The following HECW2 variants were observed in gnomAD, a reference collection of about 807,000 sequenced individuals.
The protein encoded by HECW2 is HECT, C2 and WW domain containing E3 ubiquitin protein ligase 2.
In HECW2, 61 loss-of-function variants were observed where a neutral mutation model predicts 175.2. That is an observed-to-expected ratio of 0.35 (90% CI 0.28 to 0.43). HECW2 has a LOEUF of 0.43. Among genes scored for constraint, HECW2 ranks in the 20% least tolerant of loss-of-function variants. The pLI is 1.00. For missense variants in HECW2, 1,524 were observed against 2,000.5 expected (o/e 0.76, Z 4.54); for synonymous variants, 671 against 731.0 (o/e 0.92, Z 1.32).
At chr2:196,491,325 C>T (rs74696465) in intron 1 of HECW2, among the ~76,000 whole-genome samples, 3 of 151,022 alleles carry the variant, frequency 2.0e-5, no homozygotes, top group East Asian at 1.9e-4. Flanking sequence ...CCTGCCAACA[C>T]GGTGAAACCC....
At chr2:196,507,432 A>G (rs1389918579) in intron 1 of HECW2, among the ~76,000 whole-genome samples, 3 of 152,190 alleles carry the variant, frequency 2.0e-5, no homozygotes, top group Non-Finnish European at 4.4e-5. Flanking sequence ...GAAATTTAGC[A>G]ATGTCTAGAG....
intron 1 of HECW2, among the ~76,000 whole-genome samples, chr2:196,569,479 T>C (rs1425485700): frequency 6.6e-6 from 1 of 152,232 alleles, no homozygotes; most frequent in Non-Finnish European, 1.5e-5. Flanking sequence ...TATGATACTT[T>C]TTTATGCTTC....
chr2:196,408,219 A>AT (rs1695015827), intron 2 of HECW2, among the ~76,000 whole-genome samples: 2 of 152,298 alleles, frequency 1.3e-5, no homozygotes, highest in African/African-American at 2.4e-5. Flanking sequence ...TATGCTATAT[A>AT]TTTTTTTCAT....
chr2:196,373,536 TC>T (rs1693963018), intron 2 of HECW2, among the ~76,000 whole-genome samples: 1 of 152,170 alleles, frequency 6.6e-6, no homozygotes, highest in South Asian at 2.1e-4. Flanking sequence ...TATTTAAAGG[TC>T]CGTAAGCATT....
chr2:196,235,756 C>T (rs898019514), intron 21 of HECW2, among the ~76,000 whole-genome samples: 2 of 147,416 alleles, frequency 1.4e-5, no homozygotes, highest in African/African-American at 2.5e-5. Context: ...CCTGGGTTCA[C>T]GCCATTCTCC....
At chr2:196,543,621 T>C (rs1010000200) in intron 1 of HECW2, among the ~76,000 whole-genome samples, 3 of 152,176 alleles carry the variant, frequency 2.0e-5, no homozygotes, top group African/African-American at 7.2e-5. Context: ...TTTTATTTTT[T>C]TTTTCTTTTG....
chr2:196,410,919 C>A (rs1274183570), intron 2 of HECW2, among the ~76,000 whole-genome samples: 1 of 150,794 alleles, frequency 6.6e-6, no homozygotes, highest in African/African-American at 2.4e-5. Context: ...TAACAACAGC[C>A]CACCGAGAAG....
chr2:196,571,242 T>C (rs1690374528), intron 1 of HECW2, among the ~76,000 whole-genome samples: 1 of 152,228 alleles, frequency 6.6e-6, no homozygotes, highest in African/African-American at 2.4e-5. Context: ...CTGACATGGC[T>C]TTGTGTCATT....
intron 2 of HECW2, among the ~76,000 whole-genome samples, chr2:196,386,957 A>AAGTT (rs1559081316): frequency 6.6e-6 from 1 of 152,158 alleles, no homozygotes; most frequent in African/African-American, 2.4e-5. Context: ...ACAAGGCTAT[A>AAGTT]ATACTAACTC....
At position 196,442,663 on chromosome 2, in the gene HECW2, A is replaced by G. The variant is rs1207668959; in HGVS notation, c.-35-9205T>C. On this transcript the variant is annotated intron_variant, in intron 1 of 28. Coordinates refer to ENST00000644978, the MANE Select transcript of HECW2 (RefSeq NM_001348768.2). ...TTTGACATGGGAATTTGTTCATGCT[A>G]TAAGGTTAAGTATTATCAAATACTG... Among the ~76,000 whole-genome samples, 6 of 152,358 alleles carry G rather than the reference A, an allele frequency of 3.9e-5. No homozygotes were observed. The South Asian group carries it at 1.0e-3, about 26-fold the overall frequency.
intron 4 of HECW2, among the ~76,000 whole-genome samples, chr2:196,331,691 A>C (rs1041069030): frequency 6.6e-6 from 1 of 152,226 alleles, no homozygotes; most frequent in African/African-American, 2.4e-5. Flanking sequence ...AGGCTTCCTG[A>C]AACAATTCTC....
At chr2:196,317,448 A>C in intron 9 of HECW2, 79 bp from the exon 10 acceptor site, 2 of 997,414 alleles carry the variant, frequency 2.0e-6, no homozygotes, top group South Asian at 2.8e-5. Flanking sequence ...AAAACCTAAC[A>C]TAATTCCCAA....
At chr2:196,581,462 A>G (rs952280788) in intron 1 of HECW2, among the ~76,000 whole-genome samples, 2 of 152,138 alleles carry the variant, frequency 1.3e-5, no homozygotes. Flanking sequence ...TGAACCTGGG[A>G]GGCAGACATT....
chr2:196,366,641 G>A (rs1437836088), intron 2 of HECW2, among the ~76,000 whole-genome samples: 2 of 152,126 alleles, frequency 1.3e-5, no homozygotes, highest in Non-Finnish European at 1.5e-5. Context: ...GAAGCTCTTA[G>A]GATGTAGTAT....
At chr2:196,306,855 G>A (rs547778969) in intron 12 of HECW2, among the ~76,000 whole-genome samples, 4 of 152,164 alleles carry the variant, frequency 2.6e-5, no homozygotes, top group South Asian at 4.1e-4. Flanking sequence ...GCATTCTTAC[G>A]TATTTTAAAT....
intron 1 of HECW2, chr2:196,586,371 T>C (rs1337202846): frequency 2.0e-5 from 3 of 152,160 alleles, no homozygotes; most frequent in Non-Finnish European, 4.4e-5. Flanking sequence ...CATAAGGAAA[T>C]GTTTTTCTTG....
At chr2:196,556,336 T>G (rs1056081248) in intron 1 of HECW2, among the ~76,000 whole-genome samples, 1 of 152,170 alleles carries the variant, frequency 6.6e-6, no homozygotes, top group African/African-American at 2.4e-5. Context: ...GTAGCAAATT[T>G]CAAGTATACA....
At chr2:196,434,675 T>C (rs945085996) in intron 1 of HECW2, among the ~76,000 whole-genome samples, 2 of 152,200 alleles carry the variant, frequency 1.3e-5, no homozygotes, top group Admixed American at 1.3e-4. Context: ...AACTACATAA[T>C]CCACTCATGA....
intron 1 of HECW2, among the ~76,000 whole-genome samples, chr2:196,555,238 T>C (rs1313542178): frequency 2.0e-5 from 3 of 151,726 alleles, no homozygotes; most frequent in African/African-American, 7.3e-5. Flanking sequence ...GGCGGGGAGG[T>C]GCAAGATCAA....
Sources: gnomAD v4.1 joint callset for allele counts (sites outside exome capture counted in the v4.1 genomes callset) on GRCh38, gnomAD v4.1.1 for gene constraint, MANE v1.5 for transcripts, NCBI Gene and HGNC (gene_info 2026-07-23, HGNC 2026-07-21) for gene names.